CRPPA: variants seen among roughly 807,000 people sequenced by gnomAD.
CRPPA encodes the protein CDP-L-ribitol pyrophosphorylase A, also known as D-ribitol-5-phosphate cytidylyltransferase.
In CRPPA, 43 loss-of-function variants were observed where a neutral mutation model predicts 52.0. That is an observed-to-expected ratio of 0.83 (90% CI 0.65 to 1.07). The LOEUF is 1.07. Ranked by LOEUF, CRPPA falls within the 50% of genes least tolerant of loss-of-function variation. The pLI is 0.00. For synonymous variants in CRPPA, 250 were observed against 203.5 expected (o/e 1.23, Z -1.94); for missense variants, 629 against 551.7 (o/e 1.14, Z -1.40).
chr7:16,409,199 C>G (rs577799718), intron 1 of CRPPA, among the ~76,000 whole-genome samples: 2 of 152,162 alleles, frequency 1.3e-5, no homozygotes, highest in Non-Finnish European at 2.9e-5. Flanking sequence ...CCATGCATGG[C>G]CAGCCTCTAG....
chr7:16,134,287 A>G lies in CRPPA; in HGVS notation c.1252-42488T>C, dbSNP rs1428628035. On this transcript the variant is annotated intron_variant, in intron 9 of 9. Coordinates refer to ENST00000407010, the MANE Select transcript of CRPPA (RefSeq NM_001101426.4). ...TTACTTTATTGTAAGAATGCAGTAT[A>G]TAATACATACAGCATACAGCAGGGG... Among the ~76,000 whole-genome samples, 4 of 124,832 alleles carry G rather than the reference A, an allele frequency of 3.2e-5. 1 individual carries two copies. The East Asian group carries it at 1.4e-3, about 43-fold the overall frequency. The allele number at this position is 124,832 out of a possible 152,430, so 81.9% of individuals were successfully genotyped here. A position where few individuals can be genotyped will look rare whatever the true frequency, so the allele number is the denominator to read the frequency against.
chr7:16,289,098 C>T (rs1288315446), intron 5 of CRPPA, among the ~76,000 whole-genome samples: 1 of 151,888 alleles, frequency 6.6e-6, no homozygotes, highest in Admixed American at 6.6e-5. Context: ...TAAATTGGAA[C>T]ACTTAGAGGA....
intron 9 of CRPPA, among the ~76,000 whole-genome samples, chr7:16,141,165 T>C (rs1452759333): frequency 6.6e-6 from 1 of 152,190 alleles, no homozygotes; most frequent in Non-Finnish European, 1.5e-5. Context: ...GGGACACAGC[T>C]GTCCATTCAT....
intron 6 of CRPPA, chr7:16,268,740 C>A (rs975761082): frequency 2.0e-5 from 3 of 152,110 alleles, no homozygotes; most frequent in African/African-American, 7.2e-5. Context: ...TAGAATCTTA[C>A]GGTAGAGTCT....
At chr7:16,395,945 T>C (rs1787557512) in intron 2 of CRPPA, among the ~76,000 whole-genome samples, 1 of 152,290 alleles carries the variant, frequency 6.6e-6, no homozygotes, top group Admixed American at 6.5e-5. Context: ...ACATCAAAAA[T>C]AGATCAAGTT....
chr7:16,353,919 T>G (rs774719306), intron 3 of CRPPA, among the ~76,000 whole-genome samples: 9 of 152,148 alleles, frequency 5.9e-5, no homozygotes, highest in African/African-American at 1.2e-4. Flanking sequence ...GGTATAGTAA[T>G]TAGCCTGATT....
Position 16,091,665 on chromosome 7 carries a change from T to A in CRPPA, c.*30A>T. The A allele has an allele frequency of 9.4e-6, 12 of 1,276,896 alleles. No individual in the cohort carries two copies. Among genetic ancestry groups the A allele is most frequent in the Non-Finnish European group, 1.2e-5 (11 of 902,266 alleles). 79.1% of individuals were successfully genotyped at this position (1,276,896 alleles called of 1,614,324 possible). On this transcript the variant is annotated 3_prime_UTR_variant, in exon 10 of 10. Transcript: ENST00000407010. ...CACAATTAAGATACGCAAATAGATG[T>A]TTTAGAAAATAGGTAATTTTTTGTG...
At chr7:16,397,831 C>G (rs1046041635) in intron 2 of CRPPA, among the ~76,000 whole-genome samples, 1 of 152,160 alleles carries the variant, frequency 6.6e-6, no homozygotes, top group African/African-American at 2.4e-5. Context: ...ACGTGATCCA[C>G]AAAGGATCAA....
At chr7:16,320,484 T>C (rs936288726) in intron 3 of CRPPA, among the ~76,000 whole-genome samples, 3 of 152,174 alleles carry the variant, frequency 2.0e-5, no homozygotes, top group Non-Finnish European at 1.5e-5. Context: ...GGTAACCACA[T>C]AATGGTCCAC....
intron 5 of CRPPA, among the ~76,000 whole-genome samples, chr7:16,289,894 A>C (rs1325563517): frequency 2.0e-5 from 3 of 152,160 alleles, no homozygotes; most frequent in Non-Finnish European, 4.4e-5. Flanking sequence ...CTGTTCTATC[A>C]TAGATGACAT....
At chr7:16,377,948 T>C (rs868584596) in intron 2 of CRPPA, among the ~76,000 whole-genome samples, 2 of 152,070 alleles carry the variant, frequency 1.3e-5, no homozygotes, top group Non-Finnish European at 2.9e-5. Context: ...AGCTCACACA[T>C]ACGGCAGTTT....
chr7:16,343,113 G>C (rs77672503), intron 3 of CRPPA, among the ~76,000 whole-genome samples: 3 of 151,856 alleles, frequency 2.0e-5, no homozygotes, highest in Non-Finnish European at 4.4e-5. Flanking sequence ...TACATTTTAC[G>C]GGGACTGAAT....
chr7:16,332,700 T>C (rs2389595), intron 3 of CRPPA, among the ~76,000 whole-genome samples: 138,876 of 152,114 alleles, frequency 0.91, 63,553 homozygotes, highest in Non-Finnish European at 0.95. Context: ...TTCAATTAAA[T>C]TAAAAAACAA....
At chr7:16,369,765 AT>A (rs200211746) in intron 3 of CRPPA, among the ~76,000 whole-genome samples, 50 of 151,820 alleles carry the variant, frequency 3.3e-4, no homozygotes, top group African/African-American at 8.0e-4. Flanking sequence ...TCACATTGTG[AT>A]TTTTTTTTCC....
intron 9 of CRPPA, among the ~76,000 whole-genome samples, chr7:16,180,303 C>G (rs1781384988): frequency 6.6e-6 from 1 of 151,908 alleles, no homozygotes; most frequent in African/African-American, 2.4e-5. Context: ...GGCCGGGAAC[C>G]AGAAATATAG....
At chr7:16,286,038 AATATAAATATATATATATAT>A (rs1784427598) in intron 5 of CRPPA, among the ~76,000 whole-genome samples, 4 of 17,496 alleles carry the variant, frequency 2.3e-4, no homozygotes, top group East Asian at 2.8e-3. Context: ...AAAAAAAAAA[AATATAAATATATATATATAT>A]ATATATATAT....
chr7:16,398,391 C>G (rs540838898), intron 2 of CRPPA, among the ~76,000 whole-genome samples: 39 of 151,966 alleles, frequency 2.6e-4, no homozygotes, highest in South Asian at 2.1e-3. Context: ...TGACATGTGA[C>G]TGACACGTGA....
intron 9 of CRPPA, among the ~76,000 whole-genome samples, chr7:16,205,059 A>G (rs1781940829): frequency 6.6e-6 from 1 of 152,172 alleles, no homozygotes; most frequent in African/African-American, 2.4e-5. Context: ...CAATATACAC[A>G]GCACTTGGCA....
intron 6 of CRPPA, chr7:16,276,887 T>A (rs1258709228): frequency 6.6e-6 from 1 of 152,094 alleles, no homozygotes; most frequent in Non-Finnish European, 1.5e-5. Flanking sequence ...AAGGAGGAGG[T>A]AGAAGACACT....
Sources: gnomAD v4.1 joint callset for allele counts (sites outside exome capture counted in the v4.1 genomes callset) on GRCh38, gnomAD v4.1.1 for gene constraint, MANE v1.5 for transcripts, NCBI Gene and HGNC (gene_info 2026-07-23, HGNC 2026-07-21) for gene names.